The following USP4 variants were observed in gnomAD, a reference collection of about 807,000 sequenced individuals.
USP4 encodes ubiquitin specific peptidase 4.
In USP4, 72 loss-of-function variants were observed where a neutral mutation model predicts 118.2. The observed-to-expected ratio is 0.61, with a 90% CI of 0.50 to 0.74. The LOEUF is 0.74. Among genes scored for constraint, USP4 ranks in the 30% least tolerant of loss-of-function variants. The pLI is 0.00. For missense variants in USP4, 1,037 were observed against 1,185.7 expected, an observed-to-expected ratio of 0.87 and a Z score of 1.84; for synonymous variants, 415 against 440.4, an observed-to-expected ratio of 0.94 and a Z score of 0.72.
intron 6 of USP4, among the ~76,000 whole-genome samples, chr3:49,322,389 C>T (rs1312146185): frequency 6.6e-6 from 1 of 152,188 alleles, no homozygotes; most frequent in Non-Finnish European, 1.5e-5. Flanking sequence ...ACAAGCAGTG[C>T]TAGCACAAAC....
At chr3:49,326,935 C>T (rs1163638867) in intron 3 of USP4, among the ~76,000 whole-genome samples, 1 of 151,876 alleles carries the variant, frequency 6.6e-6, no homozygotes, top group African/African-American at 2.4e-5. Flanking sequence ...CTCCTGACCT[C>T]GTGATCCACC....
intron 6 of USP4, 80 bp from the exon 7 acceptor site, chr3:49,311,734 A>T (rs1196773639): frequency 1.3e-6 from 2 of 1,542,810 alleles, no homozygotes; most frequent in Non-Finnish European, 8.7e-7. Context: ...TTGCTTCTCA[A>T]GGAATAAATA....
chr3:49,283,914 C>G, intron 19 of USP4, 73 bp downstream of exon 19: 1 of 1,581,644 alleles, frequency 6.3e-7, no homozygotes, highest in Non-Finnish European at 8.6e-7. Flanking sequence ...GGTGGCAAAC[C>G]ACTCAGCCAA....
In USP4 at chr3:49,292,669, C is replaced by T. The variant is rs1341797435; in HGVS notation, c.1884-71G>A. 5.2e-5 allele frequency: 57 copies of T among 1,095,494 alleles called. No individual in the cohort carries two copies. In the East Asian group the frequency reaches 7.2e-4, roughly 14 times the overall value. The allele number at this position is 1,095,494 out of a possible 1,614,324, so 67.9% of individuals were successfully genotyped here. On this transcript the variant is annotated intron_variant, in intron 14 of 21. Transcript: ENST00000265560. ...ACATTTATCTATTTTTTCCACCATG[C>T]GGCTAAGAAGTAGTTCATAATTTAT...
chr3:49,278,322 C>G lies in USP4; in HGVS notation c.2863G>C (p.Asp955His), dbSNP rs1189421841. ...PSSSQQGFGD[D>H]EACSMDTN ...TTGGTGTCCATGCTGCAAGCCTCAT[C>G]ATCCCCAAAGCCCTGCTGAGAGCTG... The change falls in exon 22 of 22, where the codon GAT becomes CAT. Residue 955 changes from aspartate (D) to histidine (H), a missense_variant. Asp to His is a moderately conservative substitution (Grantham distance 81, BLOSUM62 -1). Around this residue, in one of 3 missense-constraint regions of USP4, gnomAD observed 522 missense variants for 592.6 expected, o/e 0.88. Coordinates refer to ENST00000265560, the MANE Select transcript of USP4 (RefSeq NM_003363.4). The G allele has an allele frequency of 6.2e-7, 1 of 1,614,086 alleles. No homozygotes were observed. The highest frequency in any genetic ancestry group is 1.7e-5 in the Admixed American group (1 of 59,986).
At chr3:49,324,598 T>C (rs1333683117) in intron 6 of USP4, 104 bp downstream of exon 6, 3 of 1,088,398 alleles carry the variant, frequency 2.8e-6, no homozygotes, top group East Asian at 2.4e-5. Context: ...ATAGGCATTG[T>C]TCATCTGAAT....
At chr3:49,317,442 C>T (rs777158001) in intron 6 of USP4, 12 of 845,832 alleles carry the variant, frequency 1.4e-5, no homozygotes, top group East Asian at 5.3e-5. Context: ...AGTTCTGCAG[C>T]GCCATGCCCT....
chr3:49,287,669 C>T (rs1185015470), intron 15 of USP4, among the ~76,000 whole-genome samples: 2 of 152,186 alleles, frequency 1.3e-5, no homozygotes, highest in African/African-American at 2.4e-5. Context: ...GACGGGGTTT[C>T]TCCATGTTGG....
intron 6 of USP4, among the ~76,000 whole-genome samples, chr3:49,315,835 T>C (rs1420959612): frequency 6.6e-6 from 1 of 152,170 alleles, no homozygotes; most frequent in African/African-American, 2.4e-5. Context: ...CCTGCCCTCC[T>C]TAATCTACTG....
intron 10 of USP4, 90 bp downstream of exon 10, chr3:49,302,290 CAACA>C: frequency 6.9e-7 from 1 of 1,440,358 alleles, no homozygotes; most frequent in Non-Finnish European, 9.3e-7. Flanking sequence ...AGGGCCCTGG[CAACA>C]ACACTCAAAG....
At chr3:49,317,303 G>A in intron 6 of USP4, 2 of 1,459,522 alleles carry the variant, frequency 1.4e-6, no homozygotes, top group Non-Finnish European at 1.9e-6. Flanking sequence ...ACGCAGGCCA[G>A]CTTCTCTGTC....
At chr3:49,317,530 TTTTG>T (rs1297031782) in intron 6 of USP4, 25 of 604,894 alleles carry the variant, frequency 4.1e-5, no homozygotes, top group East Asian at 3.4e-4. Context: ...TTGTTTTGTT[TTTTG>T]TTTGTTTGTT....
chr3:49,334,604 G>A (rs964210187), intron 2 of USP4, among the ~76,000 whole-genome samples: 6 of 152,102 alleles, frequency 3.9e-5, no homozygotes, highest in African/African-American at 1.4e-4. Context: ...AAAAACAGCT[G>A]AGAGTGGTAG....
intron 6 of USP4, chr3:49,318,223 C>T: frequency 1.6e-6 from 1 of 635,644 alleles, no homozygotes; most frequent in Non-Finnish European, 2.0e-6. Flanking sequence ...CCCACATCAG[C>T]CTCTCAAACT....
intron 15 of USP4, among the ~76,000 whole-genome samples, chr3:49,291,401 C>T (rs1306515683): frequency 6.7e-6 from 1 of 149,876 alleles, no homozygotes; most frequent in East Asian, 2.0e-4. Context: ...ATGGTGAAAA[C>T]CCATCTCTAC....
At chr3:49,333,558 G>A (rs1235031954) in intron 2 of USP4, among the ~76,000 whole-genome samples, 1 of 152,132 alleles carries the variant, frequency 6.6e-6, no homozygotes, top group East Asian at 1.9e-4. Flanking sequence ...ACGTTGTTAG[G>A]GTTACTAAGT....
chr3:49,278,355 G>A lies in USP4; in HGVS notation c.2830C>T (p.Arg944Ter), dbSNP rs758726832. The A allele has an allele frequency of 3.1e-6, 5 of 1,614,074 alleles. No homozygotes were observed. The highest frequency in any genetic ancestry group is 2.2e-5 in the East Asian group (1 of 44,882). The change falls in exon 22 of 22, where the codon CGA becomes TGA. Residue 944 changes from arginine (R) to a stop codon, truncating the protein, a stop_gained. Transcript: ENST00000265560. LOFTEE classifies it high-confidence loss of function. ...AAGCCCTGCTGAGAGCTGCTTGGTC[G>A]TGTCCCTCCATCAGAGGAACCAGAA... ...SSSGSSDGGT[R>*]PSSSQQGFGD...
At chr3:49,316,565 C>T (rs1224859773) in intron 6 of USP4, among the ~76,000 whole-genome samples, 1 of 152,024 alleles carries the variant, frequency 6.6e-6, no homozygotes, top group African/African-American at 2.4e-5. Context: ...GTGATCTGCC[C>T]GCCTCAGCCT....
At chr3:49,316,920 C>T in intron 6 of USP4, 1 of 614,862 alleles carries the variant, frequency 1.6e-6, no homozygotes, top group Non-Finnish European at 2.9e-6. Flanking sequence ...ACAGGCTGTG[C>T]CCCGGGCTTG....
Sources: gnomAD v4.1 joint callset for allele counts (sites outside exome capture counted in the v4.1 genomes callset) on GRCh38, gnomAD v4.1.1 for gene constraint, gnomAD v4.1.1 regional missense constraint, MANE v1.5 for transcripts, NCBI Gene and HGNC (gene_info 2026-07-23, HGNC 2026-07-21) for gene names.